Variants in CDH23 observed in about 807,000 individuals in gnomAD.
The protein encoded by CDH23 is cadherin related 23, also known as cadherin-23.
CDH23 carries 189 observed loss-of-function variants against 317.1 expected under a neutral mutation model. That is an observed-to-expected ratio of 0.60 (90% CI 0.53 to 0.67). The LOEUF is 0.67. CDH23 is among the 30% of genes least tolerant of loss of function. The pLI is 0.00. For synonymous variants in CDH23, 1,839 were observed against 1,876.8 expected (o/e 0.98, Z 0.52); for missense variants, 4,401 against 4,592.4 (o/e 0.96, Z 1.20).
chr10:71,811,303 C>G lies in CDH23; in HGVS notation c.9078-12C>G, dbSNP rs1841915065. ...CTGAGGAGGAGAGCTGAGACCCCTG[C>G]CCCTCGCCCAGGGTGATCCAGATGA... is the stretch of plus-strand genomic sequence containing the variant. On this transcript the variant is annotated splice_polypyrimidine_tract_variant and intron_variant, in intron 62 of 69. Coordinates refer to ENST00000224721, the MANE Select transcript of CDH23 (RefSeq NM_022124.6). The G allele has an allele frequency of 1.2e-6, 2 of 1,613,768 alleles. No homozygotes were observed. The highest frequency in any genetic ancestry group is 1.7e-6 in the Non-Finnish European group (2 of 1,179,824).
At chr10:71,468,911 T>G (rs943479791) in intron 3 of CDH23, among the ~76,000 whole-genome samples, 2 of 152,102 alleles carry the variant, frequency 1.3e-5, no homozygotes, top group African/African-American at 4.8e-5. Context: ...GCCTTCAGCA[T>G]GTGACTGCCC....
intron 8 of CDH23, among the ~76,000 whole-genome samples, chr10:71,576,393 C>A (rs1482056558): frequency 6.6e-6 from 1 of 152,020 alleles, no homozygotes; most frequent in Non-Finnish European, 1.5e-5. Context: ...TGGGGGGTGC[C>A]CCTGCTGTGT....
chr10:71,779,397 C>T lies in CDH23; in HGVS notation c.5318C>T (p.Ser1773Leu). 1.2e-6 allele frequency: 2 copies of T among 1,613,536 alleles called. No homozygotes were observed. Among genetic ancestry groups the T allele is most frequent in the Non-Finnish European group, 1.7e-6 (2 of 1,179,568 alleles). Residue 1773 changes from serine to leucine, a missense_variant, in exon 41 of 70, where the codon TCA becomes TTA. This residue lies in a region of CDH23 where 3,068 missense variants were observed against 3,203.3 expected (regional missense o/e 0.96). Transcript: ENST00000224721. ...ACCTTCCTGGCCCATGACCGAGACT[C>T]AGGACCCAACGGGCAGGTGGAGTAC... ...VWTFLAHDRD[S>L]GPNGQVEYSI...
chr10:71,556,454 A>G (rs972948506), intron 6 of CDH23, among the ~76,000 whole-genome samples: 1 of 152,260 alleles, frequency 6.6e-6, no homozygotes, highest in African/African-American at 2.4e-5. Flanking sequence ...TACAAAAATT[A>G]TCTGATCATG....
intron 9 of CDH23, among the ~76,000 whole-genome samples, chr10:71,610,922 C>A (rs1037738453): frequency 6.6e-6 from 1 of 150,762 alleles, no homozygotes; most frequent in African/African-American, 2.4e-5. Context: ...GCAGCCACCA[C>A]CCCACCCCAA....
At chr10:71,682,225 T>C (rs979664814) in intron 17 of CDH23, among the ~76,000 whole-genome samples, 1 of 152,188 alleles carries the variant, frequency 6.6e-6, no homozygotes. Context: ...GGGCTTACAT[T>C]ACCACCAGCT....
chr10:71,477,300 A>T (rs1851842656), intron 3 of CDH23, among the ~76,000 whole-genome samples: 1 of 152,062 alleles, frequency 6.6e-6, no homozygotes, highest in South Asian at 2.1e-4. Flanking sequence ...TCCCGAGCAG[A>T]TGGGATTACA....
At chr10:71,451,101 C>A (rs1409607095) in intron 3 of CDH23, among the ~76,000 whole-genome samples, 1 of 151,946 alleles carries the variant, frequency 6.6e-6, no homozygotes, top group African/African-American at 2.4e-5. Context: ...GCCTCTTTTT[C>A]TCCCTCCCCT....
At position 71,705,116 on chromosome 10, in the gene CDH23, C is replaced by A. The variant is rs535416598; in HGVS notation, c.2939C>A (p.Thr980Lys). The A allele has an allele frequency of 1.9e-6, 3 of 1,610,168 alleles. No individual in the cohort carries two copies. Among genetic ancestry groups the A allele is most frequent in the African/African-American group, 1.3e-5 (1 of 74,868 alleles). The stretch of plus-strand genomic sequence containing the variant: ...ACGCCCACCAAGAGCTCCACCAGCA[C>A]GCTCACCATCCATGGTGAGGGGGCG... ...AGTPTKSSTSTLTIHVLDVND... is the reference protein window; with the variant it reads ...AGTPTKSSTSKLTIHVLDVND... Residue 980 changes from threonine (T) to lysine (K), a missense_variant, in exon 25 of 70, where the codon ACG becomes AAG. Thr to Lys is a moderately conservative substitution (Grantham distance 78). Transcript: ENST00000224721.
chr10:71,453,751 C>T (rs1212495064), intron 3 of CDH23, among the ~76,000 whole-genome samples: 1 of 152,186 alleles, frequency 6.6e-6, no homozygotes, highest in Non-Finnish European at 1.5e-5. Flanking sequence ...TCATGGTACC[C>T]CAGAGCTGTC....
At chr10:71,761,559 T>A (rs1840384653) in intron 38 of CDH23, 1 of 1,518,554 alleles carries the variant, frequency 6.6e-7, no homozygotes, top group South Asian at 1.3e-5. Flanking sequence ...CAGGCAGCCC[T>A]CCACACACGC....
chr10:71,667,693 G>T (rs561249065), intron 14 of CDH23, among the ~76,000 whole-genome samples: 14 of 152,176 alleles, frequency 9.2e-5, no homozygotes, highest in African/African-American at 3.4e-4. Flanking sequence ...CAATGGAAAA[G>T]GGTGAGAGAT....
In CDH23 at chr10:71,811,873, C is replaced by T. The variant is rs570015374; in HGVS notation, c.9320-82C>T. The T allele has an allele frequency of 3.1e-5, 50 of 1,597,630 alleles. No individual in the cohort carries two copies. In the East Asian group the frequency reaches 1.1e-3, roughly 35 times the overall value. On this transcript the variant is annotated intron_variant, in intron 65 of 69. Transcript: ENST00000224721. ...ACTGGGCCCAGGACCATGCCCCGCA[C>T]CCCATCCTCCCTCACCCCCCAACAC...
chr10:71,619,648 G>A (rs968859889), intron 11 of CDH23, among the ~76,000 whole-genome samples: 1 of 152,204 alleles, frequency 6.6e-6, no homozygotes, highest in Non-Finnish European at 1.5e-5. Context: ...TGGTGAGAGG[G>A]GCCTAGGGCT....
At chr10:71,481,374 C>G (rs1852055475) in intron 3 of CDH23, among the ~76,000 whole-genome samples, 1 of 152,124 alleles carries the variant, frequency 6.6e-6, no homozygotes, top group Non-Finnish European at 1.5e-5. Flanking sequence ...CACAGCCACC[C>G]TTGGGAGTCA....
Position 71,645,843 on chromosome 10 carries a change from A to G in CDH23, c.1153A>G (p.Met385Val). Residue 385 changes from methionine (M) to valine (V), a missense_variant, in exon 13 of 70, where the codon ATG (methionine) becomes GTG (valine). By Grantham distance (21) the Met-to-Val change is conservative. Around this residue, in one of 3 missense-constraint regions of CDH23, gnomAD observed 3,068 missense variants for 3,203.3 expected, o/e 0.96. Transcript: ENST00000224721. The stretch of plus-strand genomic sequence containing the variant: ...ACTCTTGACCCAGGGCCTGAACAGC[A>G]TGTTTGAGGTGTACTTGGTGGGGAA... ...DKDENLGLNS[M>V]FEVYLVGNNS... 1.2e-6 allele frequency: 2 copies of G among 1,610,834 alleles called. No individual in the cohort carries two copies. The highest frequency in any genetic ancestry group is 1.1e-5 in the South Asian group (1 of 90,924).
intron 11 of CDH23, among the ~76,000 whole-genome samples, chr10:71,637,401 C>G (rs1191759683): frequency 6.6e-6 from 1 of 152,150 alleles, no homozygotes; most frequent in African/African-American, 2.4e-5. Context: ...AATAATAGCT[C>G]TCCTCTATTG....
chr10:71,768,616 C>T (rs1238140794), intron 38 of CDH23, among the ~76,000 whole-genome samples: 2 of 152,148 alleles, frequency 1.3e-5, no homozygotes, highest in African/African-American at 4.8e-5. Context: ...GGACTACAGA[C>T]ACATGCCACT....
At chr10:71,525,548 G>A (rs1426742044) in intron 6 of CDH23, among the ~76,000 whole-genome samples, 1 of 152,208 alleles carries the variant, frequency 6.6e-6, no homozygotes. Context: ...AGGGTAGCTG[G>A]CTGGGAAGAG....
Sources: allele counts gnomAD v4.1 joint callset (sites outside exome capture counted in the v4.1 genomes callset), GRCh38; gene constraint gnomAD v4.1.1; regional missense constraint gnomAD v4.1.1; transcripts MANE v1.5; gene names NCBI Gene and HGNC (gene_info 2026-07-23, HGNC 2026-07-21).